The following MTA1 variants were observed in gnomAD, a reference collection of about 807,000 sequenced individuals.
MTA1 encodes the protein metastasis associated 1.
MTA1 carries 15 observed loss-of-function variants against 97.0 expected under a neutral mutation model. That is an observed-to-expected ratio of 0.15 (90% CI 0.10 to 0.24). The LOEUF is 0.24. MTA1 is among the 10% of genes least tolerant of loss of function. The probability of loss-of-function intolerance (pLI) is 1.00; values close to 1 mark genes in which losing one functional copy is unlikely to be tolerated. For missense variants in MTA1, 709 were observed against 1,015.1 expected (o/e 0.70, Z 4.10); for synonymous variants, 435 against 417.5 (o/e 1.04, Z -0.51).
intron 6 of MTA1, among the ~76,000 whole-genome samples, chr14:105,452,001 G>A (rs183551212): frequency 2.0e-5 from 3 of 152,022 alleles, no homozygotes; most frequent in East Asian, 1.9e-4. Context: ...CATGTTAGCC[G>A]GGCTGGTCTC....
At chr14:105,457,928 AAATAAT>A (rs587603915) in intron 7 of MTA1, among the ~76,000 whole-genome samples, 14 of 150,692 alleles carry the variant, frequency 9.3e-5, no homozygotes, top group South Asian at 4.2e-4. Flanking sequence ...CCGTCTCAAA[AAATAAT>A]AATAATAATA....
intron 1 of MTA1, among the ~76,000 whole-genome samples, chr14:105,434,616 A>C (rs1555424037): frequency 6.6e-6 from 1 of 150,946 alleles, no homozygotes; most frequent in Non-Finnish European, 1.5e-5. Flanking sequence ...GTCCTGCCTC[A>C]GCCTCCTGAG....
In MTA1 at chr14:105,465,109, C is replaced by T. The variant is rs1261781218; in HGVS notation, c.1550C>T (p.Pro517Leu). ...TACCCCGCAGGCACGGCGCGGCTGCCCGAAGCCTCCCAGAGCCCGCTGGTG... is the reference window on the plus strand; with the variant it reads ...TACCCCGCAGGCACGGCGCGGCTGCTCGAAGCCTCCCAGAGCCCGCTGGTG... ...AIKAECTARLPEASQSPLVLK... is the reference protein window; with the variant it reads ...AIKAECTARLLEASQSPLVLK... The change falls in exon 16 of 21, where the codon CCC (proline) becomes CTC (leucine). Residue 517 changes from proline to leucine, a missense_variant. By Grantham distance (98) the Pro-to-Leu change is moderately conservative. Around this residue, in one of 2 missense-constraint regions of MTA1, gnomAD observed 388 missense variants for 421.6 expected, o/e 0.92. Transcript: ENST00000331320. The T allele has an allele frequency of 5.3e-6, 8 of 1,519,774 alleles. No homozygotes were observed. The highest frequency in any genetic ancestry group is 6.2e-6 in the Non-Finnish European group (7 of 1,129,012). The allele number at this position is 1,519,774 out of a possible 1,614,324, so 94.1% of individuals were successfully genotyped here.
intron 18 of MTA1, chr14:105,468,100 C>T (rs1308830106): frequency 1.1e-5 from 4 of 360,276 alleles, no homozygotes; most frequent in African/African-American, 2.1e-5. Context: ...TGGGTGAAGA[C>T]GGCTCCCGGG....
Position 105,419,966 on chromosome 14 carries a change from T to A in MTA1, c.-70T>A. 1.5e-6 allele frequency: 1 copy of A among 689,350 alleles called. No individual in the cohort carries two copies. Among genetic ancestry groups the A allele is most frequent in the Non-Finnish European group, 1.7e-6 (1 of 585,386 alleles). 42.7% of individuals were successfully genotyped at this position (689,350 alleles called of 1,614,324 possible). A position where few individuals can be genotyped will look rare whatever the true frequency, so the allele number is the denominator to read the frequency against. The stretch of plus-strand genomic sequence containing the variant: ...CGCCCCCCGCCCCCGCCATCGCGCC[T>A]CCATTTTCCCGGCCGCCCGCGCCGA... On this transcript the variant is annotated 5_prime_UTR_variant, in exon 1 of 21. Transcript: ENST00000331320.
chr14:105,465,550 C>G (rs1271690916), intron 16 of MTA1: 6 of 175,758 alleles, frequency 3.4e-5, no homozygotes, highest in Non-Finnish European at 7.1e-5. Flanking sequence ...GTGCACACCC[C>G]TGCCTGTAAT....
intron 1 of MTA1, among the ~76,000 whole-genome samples, chr14:105,430,507 TGAGA>T (rs781979566): frequency 2.0e-4 from 30 of 152,254 alleles, no homozygotes; most frequent in Non-Finnish European, 4.0e-4. Flanking sequence ...TTGGAAATGT[TGAGA>T]GAATTACCAA....
intron 18 of MTA1, among the ~76,000 whole-genome samples, chr14:105,468,785 C>G (rs914171981): frequency 6.6e-6 from 1 of 152,210 alleles, no homozygotes; most frequent in South Asian, 2.1e-4. Flanking sequence ...CACACCTACA[C>G]ACAGGGCAGT....
chr14:105,420,552 C>T lies in MTA1; in HGVS notation c.28+489C>T, dbSNP rs782152658. Among the ~76,000 whole-genome samples the T allele has an allele frequency of 3.3e-5, 5 of 152,176 alleles. No homozygotes were observed. Among genetic ancestry groups the T allele is most frequent in the African/African-American group, 1.2e-4 (5 of 41,458 alleles). On this transcript the variant is annotated intron_variant, in intron 1 of 20. Transcript: ENST00000331320. This position sits in a 1 kb window ranked among gnomAD's most constrained non-coding sequence, Gnocchi z 5.3. Reference sequence around the variant, plus strand: ...GGCCACGTTCCTCCCTAGAGCCCTCCTGCAGCCTGGCCCCGGGGCTTCCCC... The same window carrying T: ...GGCCACGTTCCTCCCTAGAGCCCTCTTGCAGCCTGGCCCCGGGGCTTCCCC...
intron 16 of MTA1, chr14:105,465,799 G>A (rs2083557440): frequency 6.6e-6 from 1 of 152,552 alleles, no homozygotes; most frequent in Admixed American, 6.5e-5. Flanking sequence ...TGGCGGTGGG[G>A]GGCCTCCTCC....
chr14:105,426,231 G>A (rs943378713), intron 1 of MTA1, among the ~76,000 whole-genome samples: 9 of 152,166 alleles, frequency 5.9e-5, no homozygotes, highest in Non-Finnish European at 1.3e-4. Context: ...CCTCACAGCA[G>A]CGTCGTCACA....
chr14:105,468,120 G>A (rs1158228697), intron 18 of MTA1: 16 of 370,664 alleles, frequency 4.3e-5, no homozygotes, highest in Non-Finnish European at 7.0e-5. Context: ...GGGCACTGGC[G>A]CACACGAGGT....
At chr14:105,454,875 C>T (rs1189444767) in intron 7 of MTA1, among the ~76,000 whole-genome samples, 1 of 152,016 alleles carries the variant, frequency 6.6e-6, no homozygotes, top group African/African-American at 2.4e-5. Context: ...CAGGCGTGAG[C>T]CACCGAGTCT....
In MTA1 at chr14:105,463,195, G is replaced by A. The variant is rs782695353; in HGVS notation, c.954G>A (p.Lys318=). 1 of 1,611,602 alleles carries A rather than the reference G, an allele frequency of 6.2e-7. No homozygotes were observed. The highest frequency in any genetic ancestry group is 1.1e-5 in the South Asian group (1 of 91,072). ...CTCCTCCCACCCAGCTCCCGTGGAA[G>A]TCGCTGACCAGCATCATTGAGTACT... ...TDIQQDFLPW[K]SLTSIIEYYY... is the part of the protein sequence containing the mutation. Residue 318 remains lysine (K), a synonymous_variant, in exon 11 of 21, where the codon AAG becomes AAA. Transcript: ENST00000331320. The surrounding 1 kb of genome is among the most constrained non-coding windows in gnomAD (Gnocchi z 5.9).
At chr14:105,466,991 G>GT (rs1210714236) in intron 18 of MTA1, 13 of 568,796 alleles carry the variant, frequency 2.3e-5, no homozygotes, top group African/African-American at 1.9e-4. Context: ...CCTGGCACGT[G>GT]TGGCCCTGGC....
Position 105,464,094 on chromosome 14 carries a change from C to T in MTA1, c.1139C>T (p.Thr380Met), listed in dbSNP as rs200007908. The T allele has an allele frequency of 8.3e-5, 134 of 1,612,168 alleles. No individual in the cohort carries two copies. Among genetic ancestry groups the T allele is most frequent in the Non-Finnish European group, 9.8e-5 (116 of 1,179,722 alleles). Residue 380 changes from threonine to methionine, a missense_variant, in exon 13 of 21, where the codon ACG becomes ATG. Around this residue, in one of 2 missense-constraint regions of MTA1, gnomAD observed 321 missense variants for 593.5 expected, o/e 0.54. Coordinates refer to ENST00000331320, the MANE Select transcript of MTA1 (RefSeq NM_004689.4). ...GTCAAGGCCGGTGTGGTGAACGGCA[C>T]GGGGGCGCCGGGCCAGAGCCCTGGG... ...NNVKAGVVNG[T>M]GAPGQSPGAG...
chr14:105,451,390 G>T (rs1273147882), intron 6 of MTA1, among the ~76,000 whole-genome samples: 1 of 152,250 alleles, frequency 6.6e-6, no homozygotes, highest in Admixed American at 6.5e-5. Flanking sequence ...CTTGGCCTGG[G>T]GTCGTAACAC....
At chr14:105,428,789 G>A (rs1420177069) in intron 1 of MTA1, among the ~76,000 whole-genome samples, 1 of 150,914 alleles carries the variant, frequency 6.6e-6, no homozygotes, top group Non-Finnish European at 1.5e-5. Flanking sequence ...GTATGATCTT[G>A]GCTCACTGTA....
At chr14:105,465,241 C>A in intron 16 of MTA1, 58 bp downstream of exon 16, 1 of 1,405,530 alleles carries the variant, frequency 7.1e-7, no homozygotes, top group Non-Finnish European at 9.5e-7. Context: ...GCTTCTCACC[C>A]AAGCTCATGC....
Sources: allele counts gnomAD v4.1 joint callset (sites outside exome capture counted in the v4.1 genomes callset), GRCh38; gene constraint gnomAD v4.1.1; regional missense constraint gnomAD v4.1.1; non-coding constraint Gnocchi (gnomAD v3.1); transcripts MANE v1.5; gene names NCBI Gene and HGNC (gene_info 2026-07-23, HGNC 2026-07-21).